The following GUCY2C variants were observed in gnomAD, a reference collection of about 807,000 sequenced individuals.
The protein encoded by GUCY2C is guanylate cyclase 2C.
GUCY2C carries 118 observed loss-of-function variants against 131.1 expected under a neutral mutation model. The observed-to-expected ratio is 0.90, with a 90% confidence interval of 0.78 to 1.05. The LOEUF is 1.05. Among genes scored for constraint, GUCY2C ranks in the 50% least tolerant of loss-of-function variants. The probability of loss-of-function intolerance (pLI) is 0.00; values close to 1 mark genes in which losing one functional copy is unlikely to be tolerated. For missense variants in GUCY2C, 1,161 were observed against 1,304.4 expected (o/e 0.89, Z 1.69); for synonymous variants, 452 against 457.8 (o/e 0.99, Z 0.16).
At chr12:14,687,605 G>C (rs1948496335) in intron 2 of GUCY2C, among the ~76,000 whole-genome samples, 1 of 152,126 alleles carries the variant, frequency 6.6e-6, no homozygotes, top group African/African-American at 2.4e-5. Context: ...GGGCAACAGA[G>C]GGAGACCCTG....
At chr12:14,685,493 A>G (rs1228129278) in intron 3 of GUCY2C, among the ~76,000 whole-genome samples, 1 of 152,224 alleles carries the variant, frequency 6.6e-6, no homozygotes, top group Non-Finnish European at 1.5e-5. Flanking sequence ...GAACAGGTAC[A>G]AAAAAGGAAC....
chr12:14,682,996 T>C (rs771046780), intron 4 of GUCY2C, 46 bp downstream of exon 4: 1 of 1,340,762 alleles, frequency 7.5e-7, no homozygotes, highest in African/African-American at 1.4e-5. Context: ...ATCCTATGGC[T>C]TCTCTCCATG....
chr12:14,665,853 T>A (rs897586302), intron 10 of GUCY2C: 3 of 152,242 alleles, frequency 2.0e-5, no homozygotes, highest in African/African-American at 7.2e-5. Context: ...CTATACTATT[T>A]CAAAGGTTGA....
chr12:14,674,594 T>C, intron 8 of GUCY2C, 31 bp downstream of exon 8: 1 of 1,608,254 alleles, frequency 6.2e-7, no homozygotes, highest in South Asian at 1.1e-5. Context: ...TTTCTTCACC[T>C]TGGGGTTATT....
At chr12:14,620,939 T>TCTTTTTGCCAA in intron 23 of GUCY2C, 103 bp downstream of exon 23, 2 of 878,770 alleles carry the variant, frequency 2.3e-6, no homozygotes, top group Non-Finnish European at 3.5e-6. Flanking sequence ...GAGTAAAAAT[T>TCTTTTTGCCAA]ATGTGAGGTC....
rs201883477 is a variant in GUCY2C at position 14,653,030 on chromosome 12, G to A, written c.1471-16C>T. The A allele has an allele frequency of 6.3e-7, 1 of 1,590,882 alleles. No homozygotes were observed. Among genetic ancestry groups the A allele is most frequent in the Non-Finnish European group, 8.6e-7 (1 of 1,158,708 alleles). On this transcript the variant is annotated splice_polypyrimidine_tract_variant and intron_variant, in intron 12 of 26. Coordinates refer to ENST00000261170, the MANE Select transcript of GUCY2C (RefSeq NM_004963.4). ...CATCATCGATCTGGCACAAGAAAAG[G>A]CTAATTATTCCAGAAGCTCCATATC...
At chr12:14,649,188 A>G (rs1947587812) in intron 15 of GUCY2C, among the ~76,000 whole-genome samples, 1 of 152,172 alleles carries the variant, frequency 6.6e-6, no homozygotes, top group African/African-American at 2.4e-5. Flanking sequence ...AAAGGGGGTT[A>G]CTATAAATAA....
chr12:14,695,318 C>G (rs893115186), intron 1 of GUCY2C, among the ~76,000 whole-genome samples: 1 of 151,796 alleles, frequency 6.6e-6, no homozygotes, highest in African/African-American at 2.4e-5. Context: ...ATTTTTATAA[C>G]TAAAAGGTAC....
chr12:14,619,248 CGTATCTCCAAATAGACAATAACGAG>C lies in GUCY2C; in HGVS notation c.2813_2837del (p.Pro938ArgfsTer15). On this transcript the variant is annotated frameshift_variant, in exon 24 of 27. Coordinates refer to ENST00000261170, the MANE Select transcript of GUCY2C (RefSeq NM_004963.4). LOFTEE classifies it high-confidence loss of function. ...ATTCCATCCTAGAGGCTGTGTTGAC[CGTATCTCCAAATAGACAATAACGAG>C]GCATCTTGATTCCCACAACTCCAGC... 6.2e-7 allele frequency: 1 copy of C among 1,612,098 alleles called. No individual in the cohort carries two copies. Among genetic ancestry groups the C allele is most frequent in the South Asian group, 1.1e-5 (1 of 91,028 alleles).
chr12:14,617,796 C>T (rs1193664240), intron 24 of GUCY2C, among the ~76,000 whole-genome samples: 4 of 152,144 alleles, frequency 2.6e-5, no homozygotes, highest in African/African-American at 4.8e-5. Context: ...TTTCAGAAAC[C>T]CTCTTGGCAC....
chr12:14,674,599 G>T, intron 8 of GUCY2C, 26 bp downstream of exon 8: 4 of 1,609,882 alleles, frequency 2.5e-6, no homozygotes, highest in Non-Finnish European at 3.4e-6. Context: ...TCACCTTGGG[G>T]TTATTTGCTC....
At chr12:14,667,284 A>C (rs1298596888) in intron 10 of GUCY2C, among the ~76,000 whole-genome samples, 1 of 152,218 alleles carries the variant, frequency 6.6e-6, no homozygotes, top group Non-Finnish European at 1.5e-5. Context: ...GCCCATGAGA[A>C]AAGAGATATA....
chr12:14,676,665 T>C (rs1366799239), intron 7 of GUCY2C, among the ~76,000 whole-genome samples, 189 bp downstream of exon 7: 2 of 152,226 alleles, frequency 1.3e-5, no homozygotes, highest in African/African-American at 4.8e-5. Context: ...AGAGCTTTGA[T>C]AGGGATCCTG....
intron 21 of GUCY2C, among the ~76,000 whole-genome samples, chr12:14,624,666 A>G (rs76926244): frequency 0.038 from 5,719 of 152,288 alleles, 354 homozygotes; most frequent in African/African-American, 0.13. Context: ...TAAAATTTTT[A>G]CATAAATAAC....
intron 9 of GUCY2C, 22 bp from the exon 10 acceptor site, chr12:14,669,855 A>G (rs1277279918): frequency 5.2e-6 from 5 of 968,868 alleles, no homozygotes; most frequent in African/African-American, 5.0e-5. Context: ...CACAAAAAAG[A>G]AAAAGGATGA....
At chr12:14,674,389 C>T (rs981593879) in intron 8 of GUCY2C, 24 of 549,518 alleles carry the variant, frequency 4.4e-5, no homozygotes, top group African/African-American at 1.9e-4. Flanking sequence ...ACAGAACCTG[C>T]GCTACCTGCC....
chr12:14,657,071 G>C (rs1592118939), intron 11 of GUCY2C, among the ~76,000 whole-genome samples: 1 of 152,200 alleles, frequency 6.6e-6, no homozygotes, highest in Non-Finnish European at 1.5e-5. Context: ...TCGCTCACCC[G>C]CTGCTCACCT....
chr12:14,616,846 T>C (rs1168924914), intron 24 of GUCY2C, 119 bp from the exon 25 acceptor site: 4 of 695,826 alleles, frequency 5.7e-6, no homozygotes, highest in Non-Finnish European at 1.0e-5. Context: ...GAAACAATTG[T>C]GGCTATTTTA....
At position 14,645,316 on chromosome 12, in the gene GUCY2C, C is replaced by T. The variant is rs1209897808; in HGVS notation, c.1711-1G>A. Reference sequence around the variant, plus strand: ...AGGAAATTGTGTCATTTAAAACTTCCTGAATAGGAAAAAAGAAGAAGAAGA... The same window carrying T: ...AGGAAATTGTGTCATTTAAAACTTCTTGAATAGGAAAAAAGAAGAAGAAGA... On this transcript the variant is annotated splice_acceptor_variant, in intron 15 of 26. Transcript: ENST00000261170. LOFTEE classifies it high-confidence loss of function. 1 of 1,503,946 alleles carries T rather than the reference C, an allele frequency of 6.6e-7. No individual in the cohort carries two copies. Among genetic ancestry groups the T allele is most frequent in the Non-Finnish European group, 9.2e-7 (1 of 1,082,844 alleles). 93.2% of individuals were successfully genotyped at this position (1,503,946 alleles called of 1,614,324 possible). A position where few individuals can be genotyped will look rare whatever the true frequency, so the allele number is the denominator to read the frequency against.
Sources: allele counts gnomAD v4.1 joint callset (sites outside exome capture counted in the v4.1 genomes callset), GRCh38; gene constraint gnomAD v4.1.1; transcripts MANE v1.5; gene names NCBI Gene and HGNC (gene_info 2026-07-23, HGNC 2026-07-21).